Variants in ZBTB16 observed in about 807,000 individuals in gnomAD.
ZBTB16 encodes zinc finger and BTB domain containing 16.
Under a neutral mutation model 56.8 loss-of-function variants are expected in ZBTB16, and 8 were observed. That is an observed-to-expected ratio of 0.14 (90% CI 0.08 to 0.25). The LOEUF (loss-of-function observed/expected upper bound fraction) is 0.25, where lower values mean the gene tolerates loss of function less well. ZBTB16 is among the 10% of genes least tolerant of loss of function. The pLI is 1.00. For synonymous variants in ZBTB16, 363 were observed against 368.5 expected, an observed-to-expected ratio of 0.98 and a Z score of 0.17; for missense variants, 625 against 903.0, an observed-to-expected ratio of 0.69 and a Z score of 3.95.
rs10576984 is a variant in ZBTB16, at chr11:114,255,718, TAAAAA to T, written c.*5174_*5178del. 1.4e-5 allele frequency among the ~76,000 whole-genome samples: 2 copies of T among 143,276 alleles called. No individual in the cohort carries two copies. The highest frequency in any genetic ancestry group is 3.0e-5 in the Non-Finnish European group (2 of 66,284). 94.0% of individuals were successfully genotyped at this position (143,276 alleles called of 152,430 possible). On this transcript the variant is annotated 3_prime_UTR_variant, in exon 7 of 7. Transcript: ENST00000335953. ...TAATTTCAGTGTTTCTGACAAGATT[TAAAAA>T]AAAAAAAAAAGGAAAAAAAAAGAAA...
intron 2 of ZBTB16, among the ~76,000 whole-genome samples, chr11:114,148,563 G>A (rs147534689): frequency 4.0e-5 from 6 of 149,672 alleles, no homozygotes; most frequent in Admixed American, 6.7e-5. Flanking sequence ...GTACGATCTC[G>A]ACTTACTGCA....
chr11:114,250,672 G>A lies in ZBTB16; in HGVS notation c.*117G>A. ...AAGAAAAAAAAAAACAGAAGGAAAA[G>A]GAAACCTGGTAGCTTTTTGGCCTTG... On this transcript the variant is annotated 3_prime_UTR_variant, in exon 7 of 7. Coordinates refer to ENST00000335953, the MANE Select transcript of ZBTB16 (RefSeq NM_006006.6). The surrounding 1 kb of genome is among the most constrained non-coding windows in gnomAD (Gnocchi z 6.0). The A allele has an allele frequency of 1.6e-6, 2 of 1,214,172 alleles. No homozygotes were observed. The highest frequency in any genetic ancestry group is 2.3e-4 in the Middle Eastern group (1 of 4,364). 75.2% of individuals were successfully genotyped at this position (1,214,172 alleles called of 1,614,324 possible). A position where few individuals can be genotyped will look rare whatever the true frequency, so the allele number is the denominator to read the frequency against.
intron 2 of ZBTB16, among the ~76,000 whole-genome samples, chr11:114,116,595 A>C (rs1941182637): frequency 6.6e-6 from 1 of 152,098 alleles, no homozygotes; most frequent in Admixed American, 6.6e-5. Context: ...CACTTTATTC[A>C]ACTCATCAAA....
At position 114,233,081 on chromosome 11, in the gene ZBTB16, GCACACACA is replaced by G. The variant is rs1198148768; in HGVS notation, c.1454-9048_1454-9041del. On this transcript the variant is annotated intron_variant, in intron 4 of 6. Transcript: ENST00000335953. ...CACATACGCATGCGCGCGCGCGCGCGCACACACACACACACACACACACACACACACAC... is the reference window on the plus strand; with the variant it reads ...CACATACGCATGCGCGCGCGCGCGCGCACACACACACACACACACACACAC... Among the ~76,000 whole-genome samples the G allele has an allele frequency of 1.3e-3, 111 of 87,518 alleles. 1 individual carries two copies. The highest frequency in any genetic ancestry group is 5.4e-3 in the Middle Eastern group (1 of 186). 57.4% of individuals were successfully genotyped at this position (87,518 alleles called of 152,430 possible).
intron 3 of ZBTB16, among the ~76,000 whole-genome samples, chr11:114,177,634 T>C (rs1009002446): frequency 1.3e-5 from 2 of 152,040 alleles, no homozygotes; most frequent in Non-Finnish European, 2.9e-5. Context: ...GGAAGTCTGG[T>C]TCATCACAGC....
At chr11:114,207,992 A>T (rs670875) in intron 4 of ZBTB16, among the ~76,000 whole-genome samples, 1 of 152,226 alleles carries the variant, frequency 6.6e-6, no homozygotes, top group South Asian at 2.1e-4. Flanking sequence ...CAGGTGATCC[A>T]CCCACTTCGG....
At chr11:114,071,015 A>G (rs1315011792) in intron 2 of ZBTB16, among the ~76,000 whole-genome samples, 1 of 152,144 alleles carries the variant, frequency 6.6e-6, no homozygotes, top group Non-Finnish European at 1.5e-5. Context: ...GTCACCATTG[A>G]CATCGTTTTT....
At chr11:114,221,017 G>A (rs978425075) in intron 4 of ZBTB16, among the ~76,000 whole-genome samples, 1 of 152,190 alleles carries the variant, frequency 6.6e-6, no homozygotes, top group African/African-American at 2.4e-5. Context: ...TAAGCATCAC[G>A]GTGATCCGTG....
chr11:114,139,989 C>T lies in ZBTB16; in HGVS notation c.1269-16348C>T, dbSNP rs577978115. 2.0e-5 allele frequency among the ~76,000 whole-genome samples: 3 copies of T among 152,192 alleles called. No individual in the cohort carries two copies. In the East Asian group the frequency reaches 5.8e-4, roughly 29 times the overall value. The stretch of plus-strand genomic sequence containing the variant: ...ACTCTGTAATCCTCATGCCCCCTTC[C>T]GTCCTCGGTCAAGAACGAACAATGC... On this transcript the variant is annotated intron_variant, in intron 2 of 6. Transcript: ENST00000335953.
At chr11:114,208,597 G>A (rs571648044) in intron 4 of ZBTB16, among the ~76,000 whole-genome samples, 2 of 152,084 alleles carry the variant, frequency 1.3e-5, no homozygotes, top group Non-Finnish European at 2.9e-5. Context: ...TGGCTTCAGG[G>A]TGCCCTGCAA....
intron 4 of ZBTB16, among the ~76,000 whole-genome samples, chr11:114,233,027 A>G (rs1944472846): frequency 1.0e-5 from 1 of 95,546 alleles, no homozygotes. Context: ...TTCCACCCCA[A>G]CTCATCCCCG....
chr11:114,153,780 G>T (rs1942334066), intron 2 of ZBTB16, among the ~76,000 whole-genome samples: 1 of 152,180 alleles, frequency 6.6e-6, no homozygotes, highest in Non-Finnish European at 1.5e-5. Context: ...AAGGATATGG[G>T]TAAGACTTTT....
intron 3 of ZBTB16, among the ~76,000 whole-genome samples, chr11:114,168,239 C>G (rs769613397): frequency 1.1e-4 from 17 of 152,196 alleles, no homozygotes; most frequent in Non-Finnish European, 2.1e-4. Flanking sequence ...TGGTAAGGAA[C>G]AGACCTGAGG....
intron 4 of ZBTB16, among the ~76,000 whole-genome samples, chr11:114,237,818 A>G (rs447174): frequency 2.0e-4 from 31 of 152,064 alleles, no homozygotes; most frequent in East Asian, 3.9e-4. Flanking sequence ...CATCTCCCCC[A>G]CTTTTCCATT....
chr11:114,148,336 G>GCTTGCTTCCTTC (rs1555143870), intron 2 of ZBTB16, among the ~76,000 whole-genome samples: 1 of 52,564 alleles, frequency 1.9e-5, no homozygotes, highest in Admixed American at 2.1e-4. Flanking sequence ...TGGCTGGCTG[G>GCTTGCTTCCTTC]CTTCCTTCCT....
At chr11:114,081,434 A>C (rs1399310207) in intron 2 of ZBTB16, among the ~76,000 whole-genome samples, 1 of 152,204 alleles carries the variant, frequency 6.6e-6, no homozygotes, top group Non-Finnish European at 1.5e-5. Context: ...GAGAATAGGA[A>C]ATGGAAAGAC....
chr11:114,156,239 C>T (rs1407203509), intron 2 of ZBTB16, 98 bp from the exon 3 acceptor site: 1 of 1,219,774 alleles, frequency 8.2e-7, no homozygotes, highest in Non-Finnish European at 1.2e-6. Flanking sequence ...CCGCCTGTCA[C>T]CTGCCAGAGG....
intron 2 of ZBTB16, among the ~76,000 whole-genome samples, chr11:114,117,388 G>A (rs1941204553): frequency 6.6e-6 from 1 of 152,054 alleles, no homozygotes; most frequent in Non-Finnish European, 1.5e-5. Flanking sequence ...GCACAGCATT[G>A]GGGATGGATA....
chr11:114,151,157 G>T (rs140839433), intron 2 of ZBTB16, among the ~76,000 whole-genome samples: 137 of 152,276 alleles, frequency 9.0e-4, no homozygotes, highest in African/African-American at 3.1e-3. Flanking sequence ...GGTGGTCATA[G>T]GATCAAAAAG....
Sources: gnomAD v4.1 joint callset for allele counts (sites outside exome capture counted in the v4.1 genomes callset) on GRCh38, gnomAD v4.1.1 for gene constraint, Gnocchi (gnomAD v3.1) non-coding constraint, MANE v1.5 for transcripts, NCBI Gene and HGNC (gene_info 2026-07-23, HGNC 2026-07-21) for gene names.